ANKS1B: variants seen among roughly 807,000 people sequenced by gnomAD.
ANKS1B encodes the protein ankyrin repeat and sterile alpha motif domain containing 1B.
In ANKS1B, 36 loss-of-function variants were observed where a neutral mutation model predicts 148.3. That is an observed-to-expected ratio of 0.24 (90% confidence interval 0.19 to 0.32). ANKS1B has a LOEUF of 0.32. Ranked by LOEUF, ANKS1B falls within the 10% of genes least tolerant of loss-of-function variation. The pLI is 1.00. For synonymous variants in ANKS1B, 542 were observed against 560.8 expected (o/e 0.97, Z 0.47); for missense variants, 1,157 against 1,542.6 (o/e 0.75, Z 4.19).
At chr12:99,336,015 G>A (rs997355547) in intron 12 of ANKS1B, among the ~76,000 whole-genome samples, 4 of 151,946 alleles carry the variant, frequency 2.6e-5, no homozygotes, top group African/African-American at 7.2e-5. Flanking sequence ...CCACATCCTC[G>A]CTAGCATTCA....
intron 12 of ANKS1B, among the ~76,000 whole-genome samples, chr12:99,393,557 C>A (rs550373599): frequency 1.3e-5 from 2 of 152,336 alleles, no homozygotes; most frequent in East Asian, 3.9e-4. Context: ...TCAAACATTT[C>A]TTCCAGGAAA....
At position 99,135,918 on chromosome 12, in the gene ANKS1B, G is replaced by A. The variant is rs549904590; in HGVS notation, c.2526+18371C>T. On this transcript the variant is annotated intron_variant, in intron 15 of 26. Transcript: ENST00000683438. ...CAGGAAGACTAAGGATTAATGTGTGGCAGTCTCAGAGAACAGCCCAGCTTC... is the reference window on the plus strand; with the variant it reads ...CAGGAAGACTAAGGATTAATGTGTGACAGTCTCAGAGAACAGCCCAGCTTC... Among the ~76,000 whole-genome samples, 6 of 152,206 alleles carry A rather than the reference G, an allele frequency of 3.9e-5. No individual in the cohort carries two copies. In the South Asian group the frequency reaches 1.2e-3, roughly 32 times the overall value.
chr12:99,088,268 C>T (rs927365101), intron 15 of ANKS1B, among the ~76,000 whole-genome samples: 1 of 149,198 alleles, frequency 6.7e-6, no homozygotes, highest in Non-Finnish European at 1.5e-5. Context: ...TTTGTCCAAA[C>T]ACTAGGGGAC....
intron 9 of ANKS1B, among the ~76,000 whole-genome samples, chr12:99,653,779 T>C (rs1312446030): frequency 6.7e-6 from 1 of 149,524 alleles, no homozygotes; most frequent in Non-Finnish European, 1.5e-5. Context: ...ACCTCCCATC[T>C]CAGCCTCCTG....
At chr12:99,927,459 A>T (rs1205361279) in intron 1 of ANKS1B, among the ~76,000 whole-genome samples, 5 of 152,226 alleles carry the variant, frequency 3.3e-5, no homozygotes, top group Non-Finnish European at 5.9e-5. Flanking sequence ...TATGTTCCAT[A>T]TTTGTCCTAG....
chr12:99,527,339 T>C (rs151023070), intron 9 of ANKS1B, among the ~76,000 whole-genome samples: 1 of 152,294 alleles, frequency 6.6e-6, no homozygotes, highest in African/African-American at 2.4e-5. Context: ...CTTGATAAAA[T>C]TCCCAAAAGT....
intron 1 of ANKS1B, among the ~76,000 whole-genome samples, chr12:99,934,541 A>G (rs1176315995): frequency 6.6e-6 from 1 of 152,142 alleles, no homozygotes; most frequent in Non-Finnish European, 1.5e-5. Flanking sequence ...TAACTATTCC[A>G]ATTTTTTTGG....
At chr12:99,339,651 T>G (rs1372362260) in intron 12 of ANKS1B, among the ~76,000 whole-genome samples, 1 of 152,194 alleles carries the variant, frequency 6.6e-6, no homozygotes, top group Non-Finnish European at 1.5e-5. Context: ...TCTGTTAGGA[T>G]GTATTAATTT....
chr12:99,568,513 T>A (rs2097420543), intron 9 of ANKS1B, among the ~76,000 whole-genome samples: 1 of 152,228 alleles, frequency 6.6e-6, no homozygotes, highest in Non-Finnish European at 1.5e-5. Flanking sequence ...TATCACAACT[T>A]CCAAATACCT....
chr12:99,792,431 C>T (rs2065771435), intron 4 of ANKS1B, among the ~76,000 whole-genome samples: 1 of 151,382 alleles, frequency 6.6e-6, no homozygotes, highest in Non-Finnish European at 1.5e-5. Context: ...CAAGACACAC[C>T]AAAAAAAGAA....
intron 12 of ANKS1B, among the ~76,000 whole-genome samples, chr12:99,329,915 C>T (rs2087175676): frequency 6.6e-6 from 1 of 151,806 alleles, no homozygotes; most frequent in Admixed American, 6.6e-5. Flanking sequence ...TAATAATTTC[C>T]AGAGCTCCCA....
chr12:99,169,259 T>C (rs758645453), intron 14 of ANKS1B, among the ~76,000 whole-genome samples: 9 of 152,116 alleles, frequency 5.9e-5, no homozygotes, highest in Non-Finnish European at 1.0e-4. Flanking sequence ...TGTGACCACA[T>C]AGAGATGAGA....
rs186594877 is a variant in ANKS1B at position 98,840,766 on chromosome 12, C to G, written c.2779-8630G>C. Among the ~76,000 whole-genome samples the G allele has an allele frequency of 8.1e-4, 124 of 152,258 alleles. 2 individuals carry two copies. Among genetic ancestry groups the G allele is most frequent in the African/African-American group, 2.7e-3 (113 of 41,546 alleles). On this transcript the variant is annotated intron_variant, in intron 17 of 26. Transcript: ENST00000683438. ...TGCTTCAGAAGATTAAAAACACACA[C>G]AAAACAAAACAATAAATCAGTTCCC...
At chr12:99,213,783 C>A (rs1215053946) in intron 14 of ANKS1B, among the ~76,000 whole-genome samples, 1 of 152,178 alleles carries the variant, frequency 6.6e-6, no homozygotes, top group East Asian at 1.9e-4. Flanking sequence ...CCATTATTTG[C>A]CAAATAGCAG....
At chr12:98,899,808 G>A (rs955018371) in intron 17 of ANKS1B, among the ~76,000 whole-genome samples, 10 of 151,994 alleles carry the variant, frequency 6.6e-5, no homozygotes, top group Admixed American at 1.3e-4. Flanking sequence ...CAAAATATTA[G>A]TTAATTTTTT....
chr12:99,796,405 C>T (rs1022572704), intron 4 of ANKS1B, among the ~76,000 whole-genome samples: 32 of 151,802 alleles, frequency 2.1e-4, no homozygotes, highest in Admixed American at 1.3e-3. Flanking sequence ...GTTGGGTGGG[C>T]GGCAGGGGTA....
chr12:99,524,869 C>T (rs962301425), intron 9 of ANKS1B, among the ~76,000 whole-genome samples: 8 of 152,142 alleles, frequency 5.3e-5, no homozygotes, highest in Non-Finnish European at 1.0e-4. Flanking sequence ...CAGGATCCCT[C>T]CCACAGCATA....
intron 12 of ANKS1B, among the ~76,000 whole-genome samples, chr12:99,293,607 G>C (rs1401978678): frequency 6.6e-6 from 1 of 152,180 alleles, no homozygotes; most frequent in East Asian, 1.9e-4. Flanking sequence ...CAGGACATTG[G>C]ACTGGGTAAA....
At chr12:99,107,729 G>A (rs1195391421) in intron 15 of ANKS1B, among the ~76,000 whole-genome samples, 2 of 152,152 alleles carry the variant, frequency 1.3e-5, no homozygotes, top group Non-Finnish European at 2.9e-5. Context: ...TTGTAGGTTT[G>A]CCACAATTTT....
Sources: allele counts gnomAD v4.1 joint callset (sites outside exome capture counted in the v4.1 genomes callset), GRCh38; gene constraint gnomAD v4.1.1; transcripts MANE v1.5; gene names NCBI Gene and HGNC (gene_info 2026-07-23, HGNC 2026-07-21).